The following HDHD5 variants were observed in gnomAD, a reference collection of about 807,000 sequenced individuals.
The protein encoded by HDHD5 is haloacid dehalogenase-like hydrolase domain-containing 5.
A neutral mutation model predicts 35.5 loss-of-function variants in HDHD5; 34 were observed. The ratio of observed to expected loss-of-function variants is 0.96; its 90% CI spans 0.73 to 1.28. The LOEUF is 1.28. Among genes scored for constraint, HDHD5 ranks in the 50% most tolerant of loss-of-function variants. HDHD5 has a pLI of 0.00. For missense variants in HDHD5, 589 were observed against 560.2 expected (o/e 1.05, Z -0.52); for synonymous variants, 248 against 240.6 (o/e 1.03, Z -0.29).
chr22:17,158,467 G>A (rs1038118990), intron 1 of HDHD5: 4 of 152,246 alleles, frequency 2.6e-5, no homozygotes, highest in African/African-American at 7.2e-5. Context: ...CTGGTTTAGT[G>A]TCCTGTGCCG....
intron 6 of HDHD5, among the ~76,000 whole-genome samples, chr22:17,140,379 A>G (rs1378386518): frequency 6.6e-6 from 1 of 152,188 alleles, no homozygotes; most frequent in East Asian, 1.9e-4. Context: ...TGCCCCTGAG[A>G]AAGCCACTTA....
rs764778127 is a variant in HDHD5, at chr22:17,138,540, C to T, written c.935+10G>A. 9.9e-6 allele frequency: 16 copies of T among 1,612,172 alleles called. No individual in the cohort carries two copies. The African/African-American group carries it at 1.6e-4, about 16-fold the overall frequency. On this transcript the variant is annotated intron_variant, in intron 7 of 7. Coordinates refer to ENST00000336737, the MANE Select transcript of HDHD5 (RefSeq NM_033070.3). ...CATAAAAGGGACAAAGGAGGGAGAG[C>T]AGAGCCTACCCCACAGCATAGAGCT... is the stretch of plus-strand genomic sequence containing the variant.
intron 1 of HDHD5, among the ~76,000 whole-genome samples, chr22:17,152,477 C>G (rs975033136): frequency 3.2e-4 from 48 of 152,004 alleles, no homozygotes; most frequent in Non-Finnish European, 5.1e-4. Context: ...TTATTTTGGT[C>G]TGGGAACCCG....
At chr22:17,149,456 C>T in intron 2 of HDHD5, 86 bp downstream of exon 2, 2 of 1,321,882 alleles carry the variant, frequency 1.5e-6, no homozygotes, top group East Asian at 2.3e-5. Flanking sequence ...CATATCCCAA[C>T]CCAGGGGAAA....
chr22:17,164,243 A>G (rs1338497709), upstream of HDHD5, among the ~76,000 whole-genome samples: 1 of 116,812 alleles, frequency 8.6e-6, no homozygotes, highest in Non-Finnish European at 1.8e-5. Context: ...AAAAAAAAAA[A>G]AGCAATAGGT....
At chr22:17,144,109 C>T (rs1026526343) in intron 4 of HDHD5, among the ~76,000 whole-genome samples, 1 of 152,258 alleles carries the variant, frequency 6.6e-6, no homozygotes, top group Non-Finnish European at 1.5e-5. Context: ...TCACAATGGC[C>T]AGCTCTCCTG....
At chr22:17,149,121 C>T (rs533357251) in intron 2 of HDHD5, among the ~76,000 whole-genome samples, 1 of 152,330 alleles carries the variant, frequency 6.6e-6, no homozygotes, top group African/African-American at 2.4e-5. Context: ...TTCCAAAGGA[C>T]TCTTTCCAAA....
At chr22:17,141,853 G>A (rs2030713411) in intron 5 of HDHD5, 1 of 152,978 alleles carries the variant, frequency 6.5e-6, no homozygotes, top group African/African-American at 2.4e-5. Flanking sequence ...ACTAGGCAAA[G>A]AACACTGCTG....
At chr22:17,143,995 C>T (rs564757933) in intron 4 of HDHD5, among the ~76,000 whole-genome samples, 5 of 152,272 alleles carry the variant, frequency 3.3e-5, no homozygotes, top group East Asian at 1.9e-4. Flanking sequence ...ATGAGCCCAG[C>T]GCACAGGGCA....
intron 1 of HDHD5, among the ~76,000 whole-genome samples, chr22:17,154,712 T>G (rs1468704931): frequency 6.7e-6 from 1 of 150,170 alleles, no homozygotes; most frequent in African/African-American, 2.4e-5. Flanking sequence ...AACCTCAACC[T>G]CCTGAGCTCA....
At chr22:17,149,304 G>C (rs879341294) in intron 2 of HDHD5, among the ~76,000 whole-genome samples, 7 of 152,184 alleles carry the variant, frequency 4.6e-5, no homozygotes, top group Non-Finnish European at 1.0e-4. Context: ...CTAGACATGT[G>C]TGTGACCTTT....
chr22:17,145,267 C>G, intron 3 of HDHD5, 150 bp from the exon 4 acceptor site: 1 of 1,378,850 alleles, frequency 7.3e-7, no homozygotes, highest in Non-Finnish European at 9.8e-7. Flanking sequence ...TGGCACAAAT[C>G]CTGCAGGTGC....
At chr22:17,159,379 C>G (rs568924613), upstream of HDHD5, 1 of 1,104,556 alleles carries the variant, frequency 9.1e-7, no homozygotes, top group Admixed American at 2.5e-5. Flanking sequence ...GCGCGCGGAG[C>G]CCGTCGGGCG....
intron 4 of HDHD5, among the ~76,000 whole-genome samples, chr22:17,144,364 C>T (rs1482243324): frequency 6.6e-6 from 1 of 151,808 alleles, no homozygotes; most frequent in Admixed American, 6.6e-5. Flanking sequence ...ACCCTCCTGC[C>T]TCAGCCTCCT....
intron 3 of HDHD5, among the ~76,000 whole-genome samples, chr22:17,146,763 A>G (rs539061382): frequency 1.3e-3 from 2 of 1,598 alleles, no homozygotes; most frequent in Admixed American, 5.2e-3. Flanking sequence ...ACCGGCCTTC[A>G]ATCACACGTC....
At position 17,138,005 on chromosome 22, in the gene HDHD5, C is replaced by G. The variant is rs772637918; in HGVS notation, c.*16G>C. On this transcript the variant is annotated 3_prime_UTR_variant, in exon 8 of 8. Transcript: ENST00000336737. ...CACAGGTCCAGGCTCACCCCCTCAC[C>G]TCCACCGCACTGCCCTCACTCCAAA... The G allele has an allele frequency of 1.0e-5, 16 of 1,594,708 alleles. No homozygotes were observed. The Admixed American group carries it at 2.5e-4, about 25-fold the overall frequency.
intron 1 of HDHD5, among the ~76,000 whole-genome samples, chr22:17,153,513 C>T (rs548034260): frequency 6.6e-6 from 1 of 152,340 alleles, no homozygotes; most frequent in Middle Eastern, 3.4e-3. Context: ...CCTGGAGCCC[C>T]TCCCTATTCC....
chr22:17,152,545 G>C (rs904235342), intron 1 of HDHD5, among the ~76,000 whole-genome samples: 2 of 152,118 alleles, frequency 1.3e-5, no homozygotes, highest in Admixed American at 6.5e-5. Context: ...AGCGGGCAGC[G>C]AGAGGTCATT....
chr22:17,145,209 C>T, intron 3 of HDHD5, 92 bp from the exon 4 acceptor site: 1 of 1,560,858 alleles, frequency 6.4e-7, no homozygotes. Flanking sequence ...ACACAACCCA[C>T]TCCTGATCAA....
Sources: allele counts gnomAD v4.1 joint callset (sites outside exome capture counted in the v4.1 genomes callset), GRCh38; gene constraint gnomAD v4.1.1; transcripts MANE v1.5; gene names NCBI Gene and HGNC (gene_info 2026-07-23, HGNC 2026-07-21).